Variants in TMEM45A observed in about 807,000 individuals in gnomAD.
TMEM45A encodes transmembrane protein 45A.
Under a neutral mutation model 32.0 loss-of-function variants are expected in TMEM45A, and 25 were observed. The observed-to-expected ratio is 0.78, with a 90% CI of 0.57 to 1.09. TMEM45A has a LOEUF of 1.09. Ranked by LOEUF, TMEM45A falls within the 50% of genes least tolerant of loss-of-function variation. The probability of loss-of-function intolerance (pLI) is 0.00; values close to 1 mark genes in which losing one functional copy is unlikely to be tolerated. For missense variants in TMEM45A, 302 were observed against 325.0 expected (o/e 0.93, Z 0.54); for synonymous variants, 122 against 114.8 (o/e 1.06, Z -0.40).
intron 1 of TMEM45A, among the ~76,000 whole-genome samples, chr3:100,515,797 T>C (rs1708253127): frequency 6.6e-6 from 1 of 152,002 alleles, no homozygotes; most frequent in Non-Finnish European, 1.5e-5. Flanking sequence ...AAAAAGTTGA[T>C]CTCAGGAAAG....
chr3:100,559,067 A>G (rs1363763926), intron 4 of TMEM45A, among the ~76,000 whole-genome samples: 1 of 152,234 alleles, frequency 6.6e-6, no homozygotes, highest in African/African-American at 2.4e-5. Flanking sequence ...ACTCAGAGAG[A>G]CCAAGTCTCA....
intron 5 of TMEM45A, among the ~76,000 whole-genome samples, chr3:100,570,083 T>C (rs1706528034): frequency 6.6e-6 from 1 of 152,246 alleles, no homozygotes; most frequent in Admixed American, 6.5e-5. Context: ...GTTCTGTATC[T>C]ACAATGTCTA....
At chr3:100,568,130 A>G (rs1224073914) in intron 4 of TMEM45A, among the ~76,000 whole-genome samples, 1 of 152,194 alleles carries the variant, frequency 6.6e-6, no homozygotes, top group African/African-American at 2.4e-5. Context: ...GCTTTTGTAC[A>G]GAAATACAAC....
rs377676816 is a variant in TMEM45A at position 100,522,649 on chromosome 3, C to T, written c.-4+29721C>T. On this transcript the variant is annotated intron_variant, in intron 1 of 5. Coordinates refer to ENST00000323523, the MANE Select transcript of TMEM45A (RefSeq NM_018004.3). ...GGCTCATTCCTAGGCAGTAGGCCAT[C>T]GGGGTCTGGCTACTATAGTCCTTGC... Among the ~76,000 whole-genome samples, 5 of 152,288 alleles carry T rather than the reference C, an allele frequency of 3.3e-5. No individual in the cohort carries two copies. The East Asian group carries it at 9.7e-4, about 29-fold the overall frequency.
chr3:100,573,847 A>G (rs1706624901), intron 5 of TMEM45A: 1 of 152,162 alleles, frequency 6.6e-6, no homozygotes, highest in African/African-American at 2.4e-5. Context: ...TTCTGCATCT[A>G]TTGAGATAAT....
At chr3:100,534,857 T>C (rs1214182781) in intron 1 of TMEM45A, among the ~76,000 whole-genome samples, 1 of 152,160 alleles carries the variant, frequency 6.6e-6, no homozygotes, top group African/African-American at 2.4e-5. Flanking sequence ...TTCTGGGAAT[T>C]AGAGCCAAGA....
intron 1 of TMEM45A, among the ~76,000 whole-genome samples, chr3:100,545,373 T>C (rs1232921024): frequency 6.6e-6 from 1 of 152,222 alleles, no homozygotes; most frequent in Non-Finnish European, 1.5e-5. Flanking sequence ...TCTAAAAACA[T>C]TAATAATTTT....
chr3:100,507,212 G>A (rs1275475492), intron 1 of TMEM45A, among the ~76,000 whole-genome samples: 1 of 152,172 alleles, frequency 6.6e-6, no homozygotes, highest in Non-Finnish European at 1.5e-5. Context: ...TCATTAGGAT[G>A]TCCCTAGTTA....
intron 5 of TMEM45A, chr3:100,574,475 C>G (rs1045511738): frequency 2.0e-5 from 3 of 152,078 alleles, no homozygotes; most frequent in Non-Finnish European, 2.9e-5. Context: ...CTGAATAGAC[C>G]AATAACAGGC....
intron 1 of TMEM45A, among the ~76,000 whole-genome samples, chr3:100,523,613 T>C (rs1288702027): frequency 6.6e-6 from 1 of 152,086 alleles, no homozygotes; most frequent in East Asian, 1.9e-4. Flanking sequence ...TGAGATGAGA[T>C]AACTTTTAGC....
Position 100,568,854 on chromosome 3 carries a change from T to C in TMEM45A, c.621T>C (p.Gly207=). 1 of 1,613,560 alleles carries C rather than the reference T, an allele frequency of 6.2e-7. No individual in the cohort carries two copies. Among genetic ancestry groups the C allele is most frequent in the Non-Finnish European group, 8.5e-7 (1 of 1,179,554 alleles). The change falls in exon 5 of 6, where the codon GGT becomes GGC. Residue 207 remains glycine (G), a synonymous_variant. Transcript: ENST00000323523. The part of the protein sequence containing the change: ...IGFVLYPPSG[G]PAWDLMDHEN... ...TTGTCCTGTATCCCCCCAGTGGAGG[T>C]CCTGCATGGGATCTGATGGATCATG...
chr3:100,503,316 A>G (rs772286435), intron 1 of TMEM45A, among the ~76,000 whole-genome samples: 2 of 151,894 alleles, frequency 1.3e-5, no homozygotes, highest in Non-Finnish European at 2.9e-5. Context: ...TGTTGGCCAG[A>G]CTGGTCTTGA....
At chr3:100,558,721 A>G in intron 4 of TMEM45A, 132 bp downstream of exon 4, 2 of 955,012 alleles carry the variant, frequency 2.1e-6, no homozygotes, top group Non-Finnish European at 1.6e-6. Flanking sequence ...GCCTCTGAGA[A>G]GTGATGTTTC....
intron 1 of TMEM45A, among the ~76,000 whole-genome samples, chr3:100,548,553 A>G (rs1241414516): frequency 6.6e-6 from 1 of 152,140 alleles, no homozygotes; most frequent in African/African-American, 2.4e-5. Flanking sequence ...CCTCCTCTAC[A>G]GCACTACTTT....
chr3:100,517,299 G>T (rs188132665), intron 1 of TMEM45A, among the ~76,000 whole-genome samples: 1 of 152,220 alleles, frequency 6.6e-6, no homozygotes. Context: ...TGTATTTTTA[G>T]TAGAGACAGG....
rs78734860 is a variant in TMEM45A at position 100,561,538 on chromosome 3, C to T, written c.588+2949C>T. 2.5e-4 allele frequency among the ~76,000 whole-genome samples: 38 copies of T among 152,226 alleles called. No homozygotes were observed. The East Asian group carries it at 7.3e-3, about 29-fold the overall frequency. ...CCTTCCAACTTATTAGCAATGCTTTCTTTCCTGAACCACATCACAGTCAAA... is the reference window on the plus strand; with the variant it reads ...CCTTCCAACTTATTAGCAATGCTTTTTTTCCTGAACCACATCACAGTCAAA... On this transcript the variant is annotated intron_variant, in intron 4 of 5. Coordinates refer to ENST00000323523, the MANE Select transcript of TMEM45A (RefSeq NM_018004.3).
intron 4 of TMEM45A, among the ~76,000 whole-genome samples, chr3:100,559,222 G>GCATAT (rs1380902132): frequency 6.6e-6 from 1 of 152,202 alleles, no homozygotes; most frequent in Admixed American, 6.5e-5. Context: ...TATAGAGACT[G>GCATAT]ATGAATCATA....
At chr3:100,549,473 G>A (rs961872419) in intron 1 of TMEM45A, among the ~76,000 whole-genome samples, 2 of 152,198 alleles carry the variant, frequency 1.3e-5, no homozygotes, top group Non-Finnish European at 2.9e-5. Flanking sequence ...ACATGACTGA[G>A]GCTAGTGGCC....
chr3:100,550,051 G>A (rs1387950206), intron 1 of TMEM45A, among the ~76,000 whole-genome samples: 7 of 119,634 alleles, frequency 5.9e-5, no homozygotes, highest in South Asian at 3.3e-4. Context: ...GTGGTGGGGT[G>A]GGGGGAGGGG....
Sources: gnomAD v4.1 joint callset for allele counts (sites outside exome capture counted in the v4.1 genomes callset) on GRCh38, gnomAD v4.1.1 for gene constraint, MANE v1.5 for transcripts, NCBI Gene and HGNC (gene_info 2026-07-23, HGNC 2026-07-21) for gene names.